ZNF254: variants seen among roughly 807,000 people sequenced by gnomAD.
The protein encoded by ZNF254 is zinc finger protein 254, also known as CTD-2017D11.1.
A neutral mutation model predicts 12.4 loss-of-function variants in ZNF254; 10 were observed. That is an observed-to-expected ratio of 0.80 (90% CI 0.50 to 1.36). The LOEUF (loss-of-function observed/expected upper bound fraction) is 1.36, where lower values mean the gene tolerates loss of function less well. Ranked by LOEUF, ZNF254 falls within the 40% of genes most tolerant of loss-of-function variation. The pLI is 0.00. For synonymous variants in ZNF254, 305 were observed against 253.4 expected (o/e 1.20, Z -1.93); for missense variants, 996 against 763.9 (o/e 1.30, Z -3.58).
intron 3 of ZNF254, among the ~76,000 whole-genome samples, chr19:24,120,568 TAGAG>T (rs1483120584): frequency 3.9e-5 from 6 of 152,160 alleles, no homozygotes; most frequent in African/African-American, 9.6e-5. Context: ...TTACATTCAA[TAGAG>T]AGCTTTATTT....
intron 1 of ZNF254, among the ~76,000 whole-genome samples, chr19:24,092,502 C>G (rs890179390): frequency 9.2e-5 from 14 of 151,950 alleles, no homozygotes; most frequent in African/African-American, 3.4e-4. Context: ...CAGCCTTCCA[C>G]GTACCTGGGA....
At chr19:24,063,852 G>A (rs995930021) in intron 2 of ZNF254, 7 of 150,774 alleles carry the variant, frequency 4.6e-5, no homozygotes, top group Admixed American at 1.3e-4. Flanking sequence ...GCACTAAGAA[G>A]ATGTGAGTCC....
At chr19:24,114,268 C>A (rs1463044583) in intron 3 of ZNF254, among the ~76,000 whole-genome samples, 2 of 151,372 alleles carry the variant, frequency 1.3e-5, no homozygotes, top group Non-Finnish European at 2.9e-5. Flanking sequence ...TGCTACCTGA[C>A]TTCAAACTAT....
chr19:24,062,351 A>G (rs1461325897), intron 2 of ZNF254, among the ~76,000 whole-genome samples: 2 of 152,194 alleles, frequency 1.3e-5, no homozygotes, highest in African/African-American at 2.4e-5. Flanking sequence ...GATGCAGTCC[A>G]TACTTAAAAT....
At chr19:24,051,980 C>G (rs1047084474) in intron 2 of ZNF254, among the ~76,000 whole-genome samples, 4 of 152,138 alleles carry the variant, frequency 2.6e-5, no homozygotes, top group African/African-American at 7.2e-5. Context: ...TGATGTGACT[C>G]TCTTGGATGG....
intron 1 of ZNF254, among the ~76,000 whole-genome samples, chr19:24,044,812 A>G (rs963000438): frequency 6.6e-6 from 1 of 152,168 alleles, no homozygotes. Flanking sequence ...TGCATGATCA[A>G]TGTGTTATTT....
At position 24,128,010 on chromosome 19, in the gene ZNF254, A is replaced by T. The variant is rs1975023810; in HGVS notation, c.*30A>T. The T allele has an allele frequency of 6.6e-7, 1 of 1,510,054 alleles. No individual in the cohort carries two copies. Among genetic ancestry groups the T allele is most frequent in the African/African-American group, 1.4e-5 (1 of 71,664 alleles). The allele number at this position is 1,510,054 out of a possible 1,614,324, so 93.5% of individuals were successfully genotyped here. A position where few individuals can be genotyped will look rare whatever the true frequency, so the allele number is the denominator to read the frequency against. ...TGTGCCAAAGCCTAAGAAAACCCTC[A>T]ATTCTTAATAGATATAAGATTATTC... On this transcript the variant is annotated 3_prime_UTR_variant, in exon 4 of 4. Coordinates refer to ENST00000357002, the MANE Select transcript of ZNF254 (RefSeq NM_203282.4).
At chr19:24,063,845 C>G (rs1971170981) in intron 2 of ZNF254, 1 of 151,050 alleles carries the variant, frequency 6.6e-6, no homozygotes, top group South Asian at 2.1e-4. Context: ...GGGCTCAGCA[C>G]TAAGAAGATG....
intron 2 of ZNF254, 69 bp downstream of exon 2, chr19:24,106,135 T>A: frequency 6.7e-7 from 1 of 1,487,804 alleles, no homozygotes; most frequent in South Asian, 1.2e-5. Context: ...GAATGTTTTC[T>A]GGTAATTTAC....
chr19:24,063,331 C>T (rs1971145956), intron 2 of ZNF254, among the ~76,000 whole-genome samples: 1 of 152,182 alleles, frequency 6.6e-6, no homozygotes, highest in African/African-American at 2.4e-5. Context: ...GACCAGTCCA[C>T]AGTGCCATAT....
At chr19:24,048,991 A>G (rs949288548) in intron 2 of ZNF254, 1 of 151,628 alleles carries the variant, frequency 6.6e-6, no homozygotes, top group Non-Finnish European at 1.5e-5. Context: ...CGGTCAAGCG[A>G]TCTGCTGGCC....
At chr19:24,125,492 C>T (rs1055501127) in intron 3 of ZNF254, among the ~76,000 whole-genome samples, 5 of 150,158 alleles carry the variant, frequency 3.3e-5, no homozygotes, top group African/African-American at 4.9e-5. Context: ...TATTATAATC[C>T]TTGATTAAGA....
Position 24,126,728 on chromosome 19 carries a change from A to C in ZNF254, c.728A>C (p.Tyr243Ser), listed in dbSNP as rs758780145. ...GAGAAACCTTACAAATGTGAAGAAT[A>C]TAACAAATCTCCTAAGCAACTCTCA... ...TEEKPYKCEE[Y>S]NKSPKQLSTL... Residue 243 changes from tyrosine to serine, a missense_variant, in exon 4 of 4, where the codon TAT becomes TCT. Coordinates refer to ENST00000357002, the MANE Select transcript of ZNF254 (RefSeq NM_203282.4). 1.4e-5 allele frequency: 23 copies of C among 1,613,324 alleles called. No individual in the cohort carries two copies. Among genetic ancestry groups the C allele is most frequent in the Non-Finnish European group, 1.4e-5 (17 of 1,179,760 alleles).
At chr19:24,111,927 T>A (rs1973709138) in intron 3 of ZNF254, among the ~76,000 whole-genome samples, 1 of 152,230 alleles carries the variant, frequency 6.6e-6, no homozygotes, top group Non-Finnish European at 1.5e-5. Context: ...GTAGTTTCTT[T>A]TGCTGTGCAG....
In ZNF254 at chr19:24,060,208, G is replaced by A. The variant is rs80096826; in HGVS notation, c.-94+13929G>A. Among the ~76,000 whole-genome samples, 473 of 152,284 alleles carry A rather than the reference G, an allele frequency of 3.1e-3. 4 individuals carry two copies. The highest frequency in any genetic ancestry group is 0.011 in the African/African-American group (457 of 41,562). On this transcript the variant is annotated intron_variant, in intron 2 of 4. Transcript: ENST00000613065. ...CACTGCCTTCCAGGGATATTGTTACGTACCTTTGTGCCAATCACCAAGGTG... is the reference window on the plus strand; with the variant it reads ...CACTGCCTTCCAGGGATATTGTTACATACCTTTGTGCCAATCACCAAGGTG...
At chr19:24,120,338 T>A (rs945649335) in intron 3 of ZNF254, among the ~76,000 whole-genome samples, 1 of 152,102 alleles carries the variant, frequency 6.6e-6, no homozygotes, top group Non-Finnish European at 1.5e-5. Flanking sequence ...AAAAATGGAA[T>A]TTACATAAAA....
chr19:24,118,860 C>CAGA (rs1215607765), intron 3 of ZNF254, among the ~76,000 whole-genome samples: 9 of 152,000 alleles, frequency 5.9e-5, no homozygotes, highest in Non-Finnish European at 1.5e-5. Flanking sequence ...ACCTATAATC[C>CAGA]TAGCACTTTG....
upstream of ZNF254, among the ~76,000 whole-genome samples, chr19:24,083,195 A>G (rs984805742): frequency 5.3e-5 from 8 of 152,232 alleles, no homozygotes; most frequent in Non-Finnish European, 1.0e-4. Context: ...TTAAATCAAG[A>G]ACTCAACCCC....
intron 3 of ZNF254, among the ~76,000 whole-genome samples, chr19:24,117,274 TTGTC>T (rs910072446): frequency 1.3e-5 from 2 of 152,026 alleles, no homozygotes; most frequent in East Asian, 1.9e-4. Context: ...GCTGTCTTGT[TTGTC>T]TGTGCCCTGC....
Sources: allele counts gnomAD v4.1 joint callset (sites outside exome capture counted in the v4.1 genomes callset), GRCh38; gene constraint gnomAD v4.1.1; transcripts MANE v1.5; gene names NCBI Gene and HGNC (gene_info 2026-07-23, HGNC 2026-07-21).